The following EDA variants were observed in gnomAD, a reference collection of about 807,000 sequenced individuals.
The protein encoded by EDA is ectodysplasin A, also known as ectodysplasin-A.
Under a neutral mutation model 23.6 loss-of-function variants are expected in EDA, and 2 were observed. The observed-to-expected ratio is 0.08, with a 90% CI of 0.03 to 0.27. The LOEUF (loss-of-function observed/expected upper bound fraction) is 0.27, where lower values mean the gene tolerates loss of function less well. EDA is among the 10% of genes least tolerant of loss of function. The pLI is 1.00. For synonymous variants in EDA, 131 were observed against 132.0 expected (o/e 0.99, Z 0.05); for missense variants, 229 against 324.2 (o/e 0.71, Z 2.26).
intron 1 of EDA, among the ~76,000 whole-genome samples, chrX:69,701,238 A>G (rs1261398232): frequency 9.0e-6 from 1 of 111,246 alleles, no homozygotes; most frequent in Non-Finnish European, 1.9e-5. Flanking sequence ...GGCTGATGAG[A>G]TCTCAGTAGG....
intron 6 of EDA, among the ~76,000 whole-genome samples, chrX:70,032,697 G>A (rs966292655): frequency 4.5e-5 from 5 of 111,302 alleles, no homozygotes; most frequent in Non-Finnish European, 9.4e-5. Context: ...AGGGTGGCTC[G>A]GCTCCTATCC....
At chrX:69,934,024 T>C (rs1365683184) in intron 1 of EDA, among the ~76,000 whole-genome samples, 1 of 112,176 alleles carries the variant, frequency 8.9e-6, no homozygotes, top group African/African-American at 3.2e-5. Context: ...TCTGGGAGCT[T>C]TTAGGATCTT....
At chrX:69,729,900 T>G (rs1472307403) in intron 1 of EDA, among the ~76,000 whole-genome samples, 1 of 111,952 alleles carries the variant, frequency 8.9e-6, no homozygotes, top group African/African-American at 3.2e-5. Flanking sequence ...TTTCCTAGAC[T>G]GCCCTTTATA....
intron 1 of EDA, among the ~76,000 whole-genome samples, chrX:69,711,990 T>C (rs1409230543): frequency 1.8e-5 from 2 of 111,205 alleles, no homozygotes; most frequent in Admixed American, 9.6e-5. Flanking sequence ...GTGTCTCTAT[T>C]TCCTTCAGTT....
intron 1 of EDA, among the ~76,000 whole-genome samples, chrX:69,929,269 G>T (rs1249555131): frequency 9.0e-6 from 1 of 111,273 alleles, no homozygotes; most frequent in Admixed American, 9.6e-5. Flanking sequence ...CATGGTCCAA[G>T]TTCAATGTCA....
At chrX:69,880,930 G>A (rs913771070) in intron 1 of EDA, among the ~76,000 whole-genome samples, 1 of 112,017 alleles carries the variant, frequency 8.9e-6, no homozygotes, top group South Asian at 3.8e-4. Flanking sequence ...TTACCTAGTG[G>A]TTAAAGCCCC....
intron 1 of EDA, among the ~76,000 whole-genome samples, chrX:69,699,822 G>T (rs1336398817): frequency 9.0e-6 from 1 of 110,669 alleles, no homozygotes; most frequent in Non-Finnish European, 1.9e-5. Context: ...GGGTTTAAAG[G>T]CTCATGGAGA....
At chrX:69,789,033 C>G (rs1022916036) in intron 1 of EDA, among the ~76,000 whole-genome samples, 7 of 112,247 alleles carry the variant, frequency 6.2e-5, no homozygotes, top group Non-Finnish European at 1.1e-4. Context: ...GCGCAGTATT[C>G]GGGTGGGAGT....
intron 2 of EDA, among the ~76,000 whole-genome samples, chrX:70,019,098 A>G (rs1217342055): frequency 2.7e-5 from 3 of 112,426 alleles, no homozygotes; most frequent in Admixed American, 9.4e-5. Flanking sequence ...AAAAATGCTC[A>G]GCATCACTGA....
At chrX:69,726,702 G>C (rs1484741383) in intron 1 of EDA, among the ~76,000 whole-genome samples, 1 of 112,197 alleles carries the variant, frequency 8.9e-6, no homozygotes, top group Non-Finnish European at 1.9e-5. Flanking sequence ...GGTTCTAGAA[G>C]ATTTGGAGTC....
intron 2 of EDA, among the ~76,000 whole-genome samples, chrX:69,961,805 G>C (rs2019106943): frequency 8.9e-6 from 1 of 112,316 alleles, no homozygotes; most frequent in Non-Finnish European, 1.9e-5. Flanking sequence ...TTTGGTTGTT[G>C]TTCTTCTTCA....
chrX:69,756,031 G>A (rs1027865913), intron 1 of EDA, among the ~76,000 whole-genome samples: 11 of 111,853 alleles, frequency 9.8e-5, no homozygotes, highest in African/African-American at 2.3e-4. Context: ...GCGATGCCCC[G>A]CCCTGCTCCA....
At chrX:69,865,724 A>G (rs893983184) in intron 1 of EDA, among the ~76,000 whole-genome samples, 2 of 111,460 alleles carry the variant, frequency 1.8e-5, no homozygotes, top group Non-Finnish European at 3.8e-5. Context: ...ACCCATACAC[A>G]TCTCCTGAGA....
chrX:69,654,530 A>G (rs1395208454), intron 1 of EDA, among the ~76,000 whole-genome samples: 19 of 111,981 alleles, frequency 1.7e-4, no homozygotes, highest in Non-Finnish European at 2.4e-4. Flanking sequence ...CACAATAGCA[A>G]AGACTTGGAA....
At chrX:69,620,107 C>A (rs964303530) in intron 1 of EDA, among the ~76,000 whole-genome samples, 1 of 111,488 alleles carries the variant, frequency 9.0e-6, no homozygotes, top group African/African-American at 3.3e-5. Flanking sequence ...AAACCATGAG[C>A]GAGATGAATA....
At chrX:70,001,556 T>C (rs1173611276) in intron 2 of EDA, among the ~76,000 whole-genome samples, 1 of 111,742 alleles carries the variant, frequency 8.9e-6, no homozygotes, top group Non-Finnish European at 1.9e-5. Context: ...ACAGGGTAGC[T>C]CTGATGATTT....
intron 1 of EDA, among the ~76,000 whole-genome samples, chrX:69,638,007 C>T (rs961027678): frequency 1.8e-5 from 2 of 111,093 alleles, no homozygotes; most frequent in African/African-American, 6.5e-5. Context: ...TGAATTCTGT[C>T]ACATTTCCAA....
chrX:69,769,645 G>T (rs908538801), intron 1 of EDA, among the ~76,000 whole-genome samples: 1 of 110,155 alleles, frequency 9.1e-6, no homozygotes, highest in Non-Finnish European at 1.9e-5. Flanking sequence ...TAATTATATT[G>T]CAAAGCCTTT....
intron 2 of EDA, among the ~76,000 whole-genome samples, chrX:69,960,177 G>C (rs2019078990): frequency 9.0e-6 from 1 of 111,540 alleles, no homozygotes; most frequent in African/African-American, 3.3e-5. Flanking sequence ...AGAATCTTTA[G>C]GAGAGTATTA....
Sources: gnomAD v4.1 joint callset for allele counts (sites outside exome capture counted in the v4.1 genomes callset) on GRCh38, gnomAD v4.1.1 for gene constraint, MANE v1.5 for transcripts, NCBI Gene and HGNC (gene_info 2026-07-23, HGNC 2026-07-21) for gene names.